Variants in TJP1 observed in about 807,000 individuals in gnomAD.
The protein encoded by TJP1 is tight junction protein 1.
In TJP1, 43 loss-of-function variants were observed where a neutral mutation model predicts 194.2. The ratio of observed to expected loss-of-function variants is 0.22; its 90% CI spans 0.17 to 0.29. The LOEUF is 0.29. TJP1 is among the 10% of genes least tolerant of loss of function. TJP1 has a pLI of 1.00. For missense variants in TJP1, 1,971 were observed against 2,185.7 expected (o/e 0.90, Z 1.96); for synonymous variants, 801 against 779.0 (o/e 1.03, Z -0.47).
At chr15:29,909,171 AG>A (rs1158899403) in intron 2 of TJP1, among the ~76,000 whole-genome samples, 117 of 142,636 alleles carry the variant, frequency 8.2e-4, no homozygotes, top group Middle Eastern at 3.5e-3. Context: ...AAAAAAAAAA[AG>A]AAAAGAAAAA....
chr15:29,772,051 A>G lies in TJP1; in HGVS notation c.312+13T>C. On this transcript the variant is annotated intron_variant, in intron 4 of 27. Coordinates refer to ENST00000614355, the MANE Select transcript of TJP1 (RefSeq NM_001330239.4). ...GGGGTACCTTTACTAAATTACAGAGAAAAGATACTTACAATTTTTGCATTT... is the reference window on the plus strand; with the variant it reads ...GGGGTACCTTTACTAAATTACAGAGGAAAGATACTTACAATTTTTGCATTT... 6.4e-7 allele frequency: 1 copy of G among 1,552,346 alleles called. No individual in the cohort carries two copies.
At chr15:29,819,915 T>C (rs554566585) in intron 1 of TJP1, among the ~76,000 whole-genome samples, 1 of 152,316 alleles carries the variant, frequency 6.6e-6, no homozygotes, top group Admixed American at 6.5e-5. Context: ...ATTCCATTTT[T>C]AAGAATCTGA....
At chr15:29,815,393 G>A (rs959123790) in intron 1 of TJP1, among the ~76,000 whole-genome samples, 3 of 152,214 alleles carry the variant, frequency 2.0e-5, no homozygotes, top group Non-Finnish European at 4.4e-5. Context: ...TCAAAATTCA[G>A]AGGTGCAAAG....
intron 2 of TJP1, among the ~76,000 whole-genome samples, chr15:29,777,255 G>A (rs999720675): frequency 4.6e-5 from 7 of 152,078 alleles, no homozygotes; most frequent in South Asian, 2.1e-4. Context: ...ACTATTATAC[G>A]GTTTGGTGCC....
In TJP1 at chr15:29,742,567, A is replaced by G; in HGVS notation, c.1150+75T>C. 3 of 1,402,086 alleles carry G rather than the reference A, an allele frequency of 2.1e-6. No individual in the cohort carries two copies. The East Asian group carries it at 7.7e-5, about 36-fold the overall frequency. The allele number at this position is 1,402,086 out of a possible 1,614,324, so 86.9% of individuals were successfully genotyped here. ...GAAGAATAATAATTGCATCTTTAAA[A>G]TCTTCTGTAAATCCTAACAATTACT... On this transcript the variant is annotated intron_variant, in intron 9 of 27. Coordinates refer to ENST00000614355, the MANE Select transcript of TJP1 (RefSeq NM_001330239.4).
At chr15:29,917,834 A>G (rs2054234028) in intron 2 of TJP1, among the ~76,000 whole-genome samples, 1 of 152,198 alleles carries the variant, frequency 6.6e-6, no homozygotes, top group Non-Finnish European at 1.5e-5. Context: ...TAAAATACAC[A>G]TAACATAAAA....
chr15:29,949,868 TCC>T lies in TJP1; in HGVS notation c.306+6362_306+6363del, dbSNP rs1567226604. ...AACCACCACCTCCACAACCACCACC[TCC>T]ACCTCCACAACCACCACCTCCACCT... On this transcript the variant is annotated intron_variant, in intron 2 of 28. Coordinates refer to the TJP1 transcript ENST00000356107. Among the ~76,000 whole-genome samples, 156 of 22,522 alleles carry T rather than the reference TCC, an allele frequency of 6.9e-3. 1 individual carries two copies. Among genetic ancestry groups the T allele is most frequent in the Non-Finnish European group, 8.0e-3 (112 of 14,012 alleles). 14.8% of individuals were successfully genotyped at this position (22,522 alleles called of 152,430 possible). A position where few individuals can be genotyped will look rare whatever the true frequency, so the allele number is the denominator to read the frequency against.
chr15:29,702,534 T>A (rs2041615380), intron 27 of TJP1, among the ~76,000 whole-genome samples: 1 of 152,174 alleles, frequency 6.6e-6, no homozygotes, highest in Non-Finnish European at 1.5e-5. Flanking sequence ...ATGGGACATC[T>A]GGAGACAGTT....
chr15:29,822,551 AGGGGGCGGGGCCGCGGCG>A, upstream of TJP1: 2 of 500,924 alleles, frequency 4.0e-6, no homozygotes, highest in South Asian at 8.6e-5. Context: ...CGAGGCGGGG[AGGGGGCGGGGCCGCGGCG>A]GGGGAGGGGG....
intron 1 of TJP1, among the ~76,000 whole-genome samples, chr15:29,820,110 C>T (rs2050221595): frequency 6.6e-6 from 1 of 150,430 alleles, no homozygotes; most frequent in Non-Finnish European, 1.5e-5. Context: ...AAGAGTTTCC[C>T]AAACTATCAT....
At chr15:29,726,738 C>CA (rs1337923456) in intron 17 of TJP1, 43 bp downstream of exon 17, 3 of 1,578,592 alleles carry the variant, frequency 1.9e-6, no homozygotes, top group Non-Finnish European at 2.6e-6. Flanking sequence ...TAATGTTGCC[C>CA]AGACATTGTA....
chr15:29,879,157 A>G lies in TJP1; in HGVS notation c.306+77075T>C, dbSNP rs543694511. On this transcript the variant is annotated intron_variant, in intron 2 of 28. Transcript: ENST00000356107. Reference sequence around the variant, plus strand: ...AATAATAAAAAAATAAAAAAAATTAACTCCCATGCCTCCTCTGGCTTCCTT... The same window carrying G: ...AATAATAAAAAAATAAAAAAAATTAGCTCCCATGCCTCCTCTGGCTTCCTT... 2.0e-5 allele frequency among the ~76,000 whole-genome samples: 3 copies of G among 152,096 alleles called. No individual in the cohort carries two copies. The South Asian group carries it at 6.2e-4, about 32-fold the overall frequency.
chr15:29,708,569 T>C lies in TJP1; in HGVS notation c.4840A>G (p.Ile1614Val), dbSNP rs200654925. The change falls in exon 25 of 28, where the codon ATT becomes GTT. Residue 1614 changes from isoleucine to valine, a missense_variant. Transcript: ENST00000614355. Reference sequence around the variant, plus strand: ...AGGCATAAGTCTTACCTCACAGGAATAGCTTTAGGCACTGTGCTGATATTA... The same window carrying C: ...AGGCATAAGTCTTACCTCACAGGAACAGCTTTAGGCACTGTGCTGATATTA... The part of the protein sequence containing the change: ...INNISTVPKA[I>V]PVSPSAVEED... 185 of 1,605,852 alleles carry C rather than the reference T, an allele frequency of 1.2e-4. No homozygotes were observed. In the African/African-American group the frequency reaches 2.2e-3, roughly 19 times the overall value.
chr15:29,781,955 T>C (rs897560024), intron 2 of TJP1, among the ~76,000 whole-genome samples: 2 of 152,124 alleles, frequency 1.3e-5, no homozygotes, highest in Non-Finnish European at 2.9e-5. Flanking sequence ...AACACAGTAC[T>C]GGAAGTCCTG....
intron 27 of TJP1, among the ~76,000 whole-genome samples, chr15:29,702,616 G>GGC (rs1028065982): frequency 6.6e-6 from 1 of 152,024 alleles, no homozygotes; most frequent in African/African-American, 2.4e-5. Flanking sequence ...CGAACAGGAG[G>GGC]GCCCTACAAC....
chr15:29,945,102 C>T (rs1340479717), intron 2 of TJP1, among the ~76,000 whole-genome samples: 1 of 152,168 alleles, frequency 6.6e-6, no homozygotes. Flanking sequence ...CACTTGGGAT[C>T]TCATACTAAC....
rs920926717 is a variant in TJP1 at position 29,910,052 on chromosome 15, T to C, written c.306+46180A>G. ...TCAGAAAACACTCTAAAAGGCAACG[T>C]GATATTTGTTTATTTGTACTATTAA... On this transcript the variant is annotated intron_variant, in intron 2 of 28. Transcript: ENST00000356107. Among the ~76,000 whole-genome samples, 4 of 152,222 alleles carry C rather than the reference T, an allele frequency of 2.6e-5. No homozygotes were observed. The East Asian group carries it at 7.7e-4, about 29-fold the overall frequency.
At position 29,734,391 on chromosome 15, in the gene TJP1, T is replaced by C; in HGVS notation, c.1408-9A>G. On this transcript the variant is annotated splice_polypyrimidine_tract_variant and intron_variant, in intron 11 of 27. Coordinates refer to ENST00000614355, the MANE Select transcript of TJP1 (RefSeq NM_001330239.4). ...AAATCTACGTTGTTTACCTAATAAA[T>C]AAGATTTCATAAATCATTCTTGGCT... The C allele has an allele frequency of 6.4e-7, 1 of 1,572,322 alleles. No individual in the cohort carries two copies. Among genetic ancestry groups the C allele is most frequent in the Non-Finnish European group, 8.7e-7 (1 of 1,146,500 alleles).
At chr15:29,913,993 C>T (rs1477434607) in intron 2 of TJP1, among the ~76,000 whole-genome samples, 1 of 152,158 alleles carries the variant, frequency 6.6e-6, no homozygotes, top group African/African-American at 2.4e-5. Flanking sequence ...AGTTCGCTCT[C>T]CGGAGGCTTG....
Sources: allele counts gnomAD v4.1 joint callset (sites outside exome capture counted in the v4.1 genomes callset), GRCh38; gene constraint gnomAD v4.1.1; transcripts MANE v1.5; gene names NCBI Gene and HGNC (gene_info 2026-07-23, HGNC 2026-07-21).